Variants in IPO11 observed in about 807,000 individuals in gnomAD.
IPO11 encodes importin-11.
A neutral mutation model predicts 143.2 loss-of-function variants in IPO11; 66 were observed. That is an observed-to-expected ratio of 0.46 (90% CI 0.38 to 0.57). The LOEUF (loss-of-function observed/expected upper bound fraction) is 0.57. Ranked by LOEUF, IPO11 falls within the 20% of genes least tolerant of loss-of-function variation. The pLI is 0.00. For synonymous variants in IPO11, 385 were observed against 377.8 expected (o/e 1.02, Z -0.22); for missense variants, 1,026 against 1,141.0 (o/e 0.90, Z 1.45).
At chr5:62,524,770 A>G (rs964768416) in intron 20 of IPO11, among the ~76,000 whole-genome samples, 13 of 152,196 alleles carry the variant, frequency 8.5e-5, no homozygotes, top group African/African-American at 3.1e-4. Context: ...AATCCCAACA[A>G]TTGAACTTAG....
intron 1 of IPO11, among the ~76,000 whole-genome samples, chr5:62,435,019 T>A (rs542551789): frequency 1.4e-5 from 2 of 147,088 alleles, no homozygotes; most frequent in South Asian, 4.2e-4. Flanking sequence ...AGTGAGACGC[T>A]GTCTCAAAAA....
chr5:62,428,886 C>T (rs1192908787), intron 1 of IPO11, among the ~76,000 whole-genome samples: 3 of 152,014 alleles, frequency 2.0e-5, no homozygotes, highest in Non-Finnish European at 2.9e-5. Context: ...TGGCTGGCCT[C>T]GAACTCCTGG....
chr5:62,435,188 A>ATGTG (rs879563820), intron 1 of IPO11, among the ~76,000 whole-genome samples: 2 of 116,254 alleles, frequency 1.7e-5, no homozygotes, highest in South Asian at 2.7e-4. Flanking sequence ...ATGTATATAT[A>ATGTG]TGTATATATA....
chr5:62,434,766 T>C (rs1164466580), intron 1 of IPO11, among the ~76,000 whole-genome samples: 2 of 152,094 alleles, frequency 1.3e-5, no homozygotes, highest in African/African-American at 4.8e-5. Flanking sequence ...GGCTTACACC[T>C]GTAATGCCAG....
At chr5:62,557,923 C>CT (rs2112360449) in intron 26 of IPO11, among the ~76,000 whole-genome samples, 1 of 152,314 alleles carries the variant, frequency 6.6e-6, no homozygotes, top group East Asian at 1.9e-4. Flanking sequence ...ACTTTTCAGT[C>CT]TTTCACTCAG....
chr5:62,459,201 A>G (rs917965840), intron 5 of IPO11, among the ~76,000 whole-genome samples: 5 of 152,108 alleles, frequency 3.3e-5, no homozygotes, highest in Admixed American at 6.5e-5. Flanking sequence ...TGCTAGGATA[A>G]GAGACTTAGG....
intron 16 of IPO11, among the ~76,000 whole-genome samples, chr5:62,498,994 T>A (rs956501023): frequency 1.2e-4 from 18 of 152,356 alleles, no homozygotes; most frequent in Middle Eastern, 6.8e-3. Flanking sequence ...CTATGTAAGA[T>A]ATAAACTGTG....
In IPO11 at chr5:62,489,265, G is replaced by A. The variant is rs764807196; in HGVS notation, c.1310-37G>A. 3.2e-6 allele frequency: 4 copies of A among 1,234,710 alleles called. No homozygotes were observed. The African/African-American group carries it at 6.2e-5, about 19-fold the overall frequency. 76.5% of individuals were successfully genotyped at this position (1,234,710 alleles called of 1,614,324 possible). On this transcript the variant is annotated intron_variant, in intron 13 of 29. Coordinates refer to ENST00000325324, the MANE Select transcript of IPO11 (RefSeq NM_016338.5). ...ATTTTTTAAAAAACTAGTTTTATTTGCTTTTACTGATACCTATTTATATAT... is the reference window on the plus strand; with the variant it reads ...ATTTTTTAAAAAACTAGTTTTATTTACTTTTACTGATACCTATTTATATAT...
At chr5:62,521,768 T>C (rs1742210562) in intron 20 of IPO11, among the ~76,000 whole-genome samples, 1 of 152,026 alleles carries the variant, frequency 6.6e-6, no homozygotes, top group African/African-American at 2.4e-5. Context: ...TGTTCTACTT[T>C]CTAGGGAATT....
intron 19 of IPO11, among the ~76,000 whole-genome samples, chr5:62,510,335 A>G (rs1291118303): frequency 6.6e-6 from 1 of 152,212 alleles, no homozygotes; most frequent in African/African-American, 2.4e-5. Context: ...ATCAACACTT[A>G]TATATCCTTC....
intron 28 of IPO11, among the ~76,000 whole-genome samples, chr5:62,600,035 TCTTCTTTTTTTGGGG>T (rs1745445718): frequency 6.6e-6 from 1 of 152,126 alleles, no homozygotes; most frequent in Non-Finnish European, 1.5e-5. Context: ...ATGTGATAAA[TCTTCTTTTTTTGGGG>T]GTGGGGGAGA....
At chr5:62,588,580 T>G (rs1456112399) in intron 27 of IPO11, among the ~76,000 whole-genome samples, 3 of 152,152 alleles carry the variant, frequency 2.0e-5, no homozygotes, top group Admixed American at 6.5e-5. Flanking sequence ...CTTTCGTTTG[T>G]TTTTTCCACT....
At chr5:62,423,338 C>T (rs926073598) in intron 1 of IPO11, among the ~76,000 whole-genome samples, 2 of 152,158 alleles carry the variant, frequency 1.3e-5, no homozygotes, top group Admixed American at 1.3e-4. Flanking sequence ...TCACACTGTG[C>T]TAGGTAATGG....
At chr5:62,569,412 G>T (rs1744062824) in intron 27 of IPO11, among the ~76,000 whole-genome samples, 1 of 152,188 alleles carries the variant, frequency 6.6e-6, no homozygotes, top group Non-Finnish European at 1.5e-5. Flanking sequence ...AGATTATTCT[G>T]CAAATTGGTG....
intron 19 of IPO11, among the ~76,000 whole-genome samples, chr5:62,513,587 C>T (rs2591671): frequency 7.0e-5 from 9 of 127,764 alleles, no homozygotes; most frequent in Admixed American, 7.6e-5. Flanking sequence ...GCTGGGCAGA[C>T]GGGCTCCTGG....
In IPO11 at chr5:62,515,452, A is replaced by G. The variant is rs769459344; in HGVS notation, c.1847A>G (p.His616Arg). ...LPLLWKQSEE[H>R]NMLRCAILTT... is the part of the protein sequence containing the mutation. Reference sequence around the variant, plus strand: ...CTCCTTTGGAAGCAGAGTGAAGAACACAATATGTTGAGATGTGCTATTTTG... The same window carrying G: ...CTCCTTTGGAAGCAGAGTGAAGAACGCAATATGTTGAGATGTGCTATTTTG... The change falls in exon 20 of 30, where the codon CAC becomes CGC. Residue 616 changes from histidine (H) to arginine (R), a missense_variant. His to Arg is a conservative substitution (Grantham distance 29). Coordinates refer to ENST00000325324, the MANE Select transcript of IPO11 (RefSeq NM_016338.5). 3.1e-6 allele frequency: 5 copies of G among 1,611,280 alleles called. No individual in the cohort carries two copies. Among genetic ancestry groups the G allele is most frequent in the Middle Eastern group, 1.7e-4 (1 of 6,034 alleles).
chr5:62,544,936 C>T (rs985276004), intron 24 of IPO11, among the ~76,000 whole-genome samples: 147 of 152,054 alleles, frequency 9.7e-4, no homozygotes, highest in African/African-American at 3.0e-3. Context: ...CACTGCTCAA[C>T]GAAATAAAAG....
chr5:62,564,159 T>C (rs937522780), intron 27 of IPO11, among the ~76,000 whole-genome samples: 22 of 152,190 alleles, frequency 1.4e-4, no homozygotes, highest in African/African-American at 4.1e-4. Context: ...AACATTGATA[T>C]AGAAAATCTG....
intron 20 of IPO11, among the ~76,000 whole-genome samples, chr5:62,518,140 TAA>T (rs34629573): frequency 1.8e-3 from 215 of 120,238 alleles, no homozygotes; most frequent in Middle Eastern, 4.2e-3. Context: ...CCGTGCCTAC[TAA>T]AAAAAAAAAA....
Sources: gnomAD v4.1 joint callset for allele counts (sites outside exome capture counted in the v4.1 genomes callset) on GRCh38, gnomAD v4.1.1 for gene constraint, MANE v1.5 for transcripts, NCBI Gene and HGNC (gene_info 2026-07-23, HGNC 2026-07-21) for gene names.